The following NOX1 variants were observed in gnomAD, a reference collection of about 807,000 sequenced individuals.
The protein encoded by NOX1 is NADPH oxidase 1, also known as NADH/NADPH mitogenic oxidase subunit P65-MOX.
Under a neutral mutation model 42.5 loss-of-function variants are expected in NOX1, and 34 were observed. That is an observed-to-expected ratio of 0.80 (90% CI 0.61 to 1.07). The LOEUF (loss-of-function observed/expected upper bound fraction) is 1.07. Ranked by LOEUF, NOX1 falls within the 50% of genes least tolerant of loss-of-function variation. The pLI is 0.00. For synonymous variants in NOX1, 143 were observed against 152.5 expected (o/e 0.94, Z 0.46); for missense variants, 408 against 427.0 (o/e 0.96, Z 0.39).
At position 100,855,384 on chromosome X, in the gene NOX1, C is replaced by A. The variant is rs1220103289; in HGVS notation, c.805-4059G>T. On this transcript the variant is annotated intron_variant, in intron 7 of 12. Transcript: ENST00000372966. ...TGGCAAAGTATTGGCCTCCATCACC[C>A]TAGGGGCCAGAGCGTCTGCCCCAAA... 3.7e-5 allele frequency: 22 copies of A among 595,953 alleles called. No individual in the cohort carries two copies. In the East Asian group the frequency reaches 5.5e-4, roughly 15 times the overall value. The allele number at this position is 595,953 out of a possible 1,213,427, so 49.1% of individuals were successfully genotyped here. A position where few individuals can be genotyped will look rare whatever the true frequency, so the allele number is the denominator to read the frequency against.
intron 7 of NOX1, among the ~76,000 whole-genome samples, chrX:100,853,308 T>TCTCTTTC (rs1569445639): frequency 4.4e-4 from 37 of 83,279 alleles, no homozygotes; most frequent in African/African-American, 1.7e-3. Flanking sequence ...CTTTCTTTCT[T>TCTCTTTC]TCTTTCTTTC....
At chrX:100,853,992 AAT>A (rs1169769129) in intron 7 of NOX1, among the ~76,000 whole-genome samples, 2 of 111,678 alleles carry the variant, frequency 1.8e-5, no homozygotes, top group Non-Finnish European at 3.8e-5. Flanking sequence ...AATATACAAA[AAT>A]TAGCAGGGCG....
intron 9 of NOX1, 91 bp downstream of exon 9, chrX:100,850,060 T>C (rs2085102980): frequency 1.3e-5 from 13 of 982,818 alleles, no homozygotes; most frequent in Non-Finnish European, 1.8e-5. Flanking sequence ...CCTATTCTAT[T>C]GTACCAAACT....
chrX:100,871,061 A>C (rs1304721978), intron 1 of NOX1, among the ~76,000 whole-genome samples: 2 of 112,428 alleles, frequency 1.8e-5, no homozygotes, highest in Non-Finnish European at 3.8e-5. Flanking sequence ...CTGTTTTGCC[A>C]CAGCCTGCAA....
chrX:100,862,113 A>G, intron 7 of NOX1, 58 bp downstream of exon 7: 2 of 1,121,544 alleles, frequency 1.8e-6, no homozygotes, highest in Non-Finnish European at 1.2e-6. Context: ...AGTAATAATA[A>G]GAATAATAAC....
chrX:100,853,093 C>G (rs540875626), intron 7 of NOX1, among the ~76,000 whole-genome samples: 27 of 111,049 alleles, frequency 2.4e-4, no homozygotes, highest in African/African-American at 8.2e-4. Context: ...AACTTCACTT[C>G]TGGGAAATGA....
intron 7 of NOX1, among the ~76,000 whole-genome samples, chrX:100,853,253 CCTTCCTTCCTTT>C (rs1481885407): frequency 0.014 from 477 of 33,242 alleles, 8 homozygotes; most frequent in Non-Finnish European, 0.021. Context: ...TTCCTTCCTT[CCTTCCTTCCTTT>C]CTTTCTTTCT....
chrX:100,849,203 C>T, intron 11 of NOX1, 77 bp downstream of exon 11: 1 of 1,053,998 alleles, frequency 9.5e-7, no homozygotes, highest in Non-Finnish European at 1.3e-6. Context: ...GAAATAACTT[C>T]TAATCCATAT....
rs1411819205 is a variant in NOX1, at chrX:100,862,436, G to C, written c.627C>G (p.His209Gln). The change falls in exon 6 of 13, where the codon CAC becomes CAG. Residue 209 changes from histidine (H) to glutamine (Q), a missense_variant. By Grantham distance (24) the His-to-Gln change is conservative. Coordinates refer to ENST00000372966, the MANE Select transcript of NOX1 (RefSeq NM_007052.5). ...SYFEVFWYTH[H>Q]LFIFYILGLG... ...AGCCAAGGATATAGAAGATAAAAAG[G>C]TGGTGAGTATACCAGAAGACTTCAA... 1 of 1,209,589 alleles carries C rather than the reference G, an allele frequency of 8.3e-7. No individual in the cohort carries two copies. The highest frequency in any genetic ancestry group is 1.1e-6 in the Non-Finnish European group (1 of 894,774).
chrX:100,849,251 A>AG (rs2085096396), intron 11 of NOX1, 29 bp downstream of exon 11: 12 of 1,197,849 alleles, frequency 1.0e-5, no homozygotes, highest in Non-Finnish European at 1.4e-5. Context: ...TATGTTTAGT[A>AG]GGGGAATTAG....
chrX:100,844,141 CTGTT>C, intron 12 of NOX1, 63 bp from the exon 13 acceptor site: 1 of 973,839 alleles, frequency 1.0e-6, no homozygotes, highest in Non-Finnish European at 1.4e-6. Context: ...GAAACTGCCT[CTGTT>C]AGGCCTCTAC....
At chrX:100,870,199 C>T (rs1298911485) in intron 2 of NOX1, among the ~76,000 whole-genome samples, 1 of 108,131 alleles carries the variant, frequency 9.2e-6, no homozygotes, top group Admixed American at 1.0e-4. Context: ...GGAGGATTCC[C>T]TCTTTTTCTA....
chrX:100,852,472 A>AAAAT (rs976324408), intron 7 of NOX1, among the ~76,000 whole-genome samples: 9 of 112,353 alleles, frequency 8.0e-5, no homozygotes, highest in South Asian at 3.7e-4. Context: ...CAAAATAAAT[A>AAAAT]AAATAAATAA....
Position 100,860,603 on chromosome X carries a change from A to T in NOX1, c.804+1568T>A, listed in dbSNP as rs1367287518. Reference sequence around the variant, plus strand: ...CTCCATTTCTGAGATTATTCTGTTCACATCTTCTGTTTCTCTTTTTATCAT... The same window carrying T: ...CTCCATTTCTGAGATTATTCTGTTCTCATCTTCTGTTTCTCTTTTTATCAT... On this transcript the variant is annotated intron_variant, in intron 7 of 12. Transcript: ENST00000372966. Among the ~76,000 whole-genome samples, 4 of 111,888 alleles carry T rather than the reference A, an allele frequency of 3.6e-5. No individual in the cohort carries two copies. In the East Asian group the frequency reaches 1.1e-3, roughly 31 times the overall value.
rs763694196 is a variant in NOX1 at position 100,843,492 on chromosome X, GT to G, written c.*459del. 2.9e-5 allele frequency: 30 copies of G among 1,050,823 alleles called. No individual in the cohort carries two copies. The highest frequency in any genetic ancestry group is 1.4e-5 in the Non-Finnish European group (11 of 811,190). The allele number at this position is 1,050,823 out of a possible 1,213,427, so 86.6% of individuals were successfully genotyped here. On this transcript the variant is annotated 3_prime_UTR_variant, in exon 13 of 13. Coordinates refer to ENST00000372966, the MANE Select transcript of NOX1 (RefSeq NM_007052.5). ...GTTTATTATTTATGTTTATTATTAT[GT>G]TTTATCATTAATTATTCAATAAATT...
chrX:100,864,497 T>G (rs2085226154), intron 2 of NOX1, among the ~76,000 whole-genome samples: 1 of 111,898 alleles, frequency 8.9e-6, no homozygotes, highest in African/African-American at 3.2e-5. Flanking sequence ...CTAGCAAACC[T>G]CTTGGAGCAA....
intron 4 of NOX1, 93 bp from the exon 5 acceptor site, chrX:100,862,913 T>C: frequency 1.1e-6 from 1 of 871,435 alleles, no homozygotes; most frequent in Non-Finnish European, 1.7e-6. Flanking sequence ...TACATTATAG[T>C]GCTTAGCAGA....
intron 7 of NOX1, among the ~76,000 whole-genome samples, chrX:100,854,198 T>A (rs1304574962): frequency 8.9e-6 from 1 of 111,798 alleles, no homozygotes; most frequent in African/African-American, 3.2e-5. Flanking sequence ...AGGAAAAACA[T>A]TATTTCCTCT....
At chrX:100,849,704 G>T in intron 10 of NOX1, 68 bp downstream of exon 10, 1 of 1,055,559 alleles carries the variant, frequency 9.5e-7, no homozygotes, top group Non-Finnish European at 1.3e-6. Context: ...ATTGTAAAGA[G>T]CTTAGCCCAA....
Sources: gnomAD v4.1 joint callset for allele counts (sites outside exome capture counted in the v4.1 genomes callset) on GRCh38, gnomAD v4.1.1 for gene constraint, MANE v1.5 for transcripts, NCBI Gene and HGNC (gene_info 2026-07-23, HGNC 2026-07-21) for gene names.